Variants in AHCTF1 observed in about 807,000 individuals in gnomAD.
AHCTF1 encodes protein ELYS.
Under a neutral mutation model 248.4 loss-of-function variants are expected in AHCTF1, and 24 were observed. The ratio of observed to expected loss-of-function variants is 0.10; its 90% CI spans 0.07 to 0.14. The LOEUF (loss-of-function observed/expected upper bound fraction) is 0.14. Ranked by LOEUF, AHCTF1 falls within the 10% of genes least tolerant of loss-of-function variation. The pLI is 1.00. For missense variants in AHCTF1, 2,206 were observed against 2,636.2 expected, an observed-to-expected ratio of 0.84 and a Z score of 3.57; for synonymous variants, 786 against 929.8, an observed-to-expected ratio of 0.85 and a Z score of 2.81.
chr1:246,916,801 C>T (rs1666183226), intron 2 of AHCTF1, among the ~76,000 whole-genome samples: 1 of 152,120 alleles, frequency 6.6e-6, no homozygotes, highest in Non-Finnish European at 1.5e-5. Context: ...CAAAAAGTAG[C>T]ACAGGCAGAA....
chr1:246,868,878 T>C (rs570800761), intron 24 of AHCTF1, among the ~76,000 whole-genome samples: 7 of 147,938 alleles, frequency 4.7e-5, no homozygotes, highest in Non-Finnish European at 1.0e-4. Flanking sequence ...GGAGTCTCGC[T>C]CTGTCACCCA....
Position 246,850,668 on chromosome 1 carries a change from T to C in AHCTF1, c.5338A>G (p.Lys1780Glu), listed in dbSNP as rs1660638718. ...QSVRKKTRKA[K>E]EISEASENIY... ...TTTTCAGAAGCTTCAGAAATTTCTT[T>C]TGCCTTCCTAGTTTTCTTCCTGACT... Residue 1780 changes from lysine (K) to glutamate (E), a missense_variant, in exon 33 of 36, where the codon AAA becomes GAA. Lys to Glu is a moderately conservative substitution (Grantham distance 56, BLOSUM62 1). Transcript: ENST00000648844. The C allele has an allele frequency of 6.2e-6, 10 of 1,613,882 alleles. No homozygotes were observed. The highest frequency in any genetic ancestry group is 1.1e-5 in the South Asian group (1 of 91,082).
chr1:246,879,830 C>T (rs1431813126), intron 21 of AHCTF1, among the ~76,000 whole-genome samples: 1 of 142,828 alleles, frequency 7.0e-6, no homozygotes, highest in East Asian at 2.1e-4. Context: ...TCTGTTCCCC[C>T]AACCCCGCCA....
intron 5 of AHCTF1, among the ~76,000 whole-genome samples, chr1:246,906,648 A>G (rs557812241): frequency 7.9e-5 from 12 of 152,170 alleles, no homozygotes; most frequent in Non-Finnish European, 4.4e-5. Context: ...TACACTTCCT[A>G]TAAGATAAAT....
chr1:246,874,899 C>CAA (rs1211588385), intron 24 of AHCTF1, among the ~76,000 whole-genome samples: 1 of 152,162 alleles, frequency 6.6e-6, no homozygotes, highest in East Asian at 1.9e-4. Flanking sequence ...TGTAAACAGA[C>CAA]AGAGTCTCCC....
chr1:246,918,307 C>T lies in AHCTF1; in HGVS notation c.64G>A (p.Ala22Thr), dbSNP rs767969005. Reference sequence around the variant, plus strand: ...AATGTTATTTCGTCTTCTCCAAGGGCTTGAAGAGTCACTTCTGGAAATGGC... The same window carrying T: ...AATGTTATTTCGTCTTCTCCAAGGGTTTGAAGAGTCACTTCTGGAAATGGC... ...LLPFPEVTLQ[A>T]LGEDEITLES... Residue 22 changes from alanine (A) to threonine (T), a missense_variant, in exon 2 of 36, where the codon GCC becomes ACC. By Grantham distance (58) the Ala-to-Thr change is moderately conservative (BLOSUM62 0). Transcript: ENST00000648844. The T allele has an allele frequency of 1.1e-5, 18 of 1,613,072 alleles. No individual in the cohort carries two copies. The highest frequency in any genetic ancestry group is 1.4e-5 in the Non-Finnish European group (16 of 1,179,874).
chr1:246,931,219 G>C (rs777379821), intron 1 of AHCTF1: 318 of 1,550,124 alleles, frequency 2.1e-4, no homozygotes, highest in Non-Finnish European at 2.5e-4. Context: ...GCCCGCCAAC[G>C]AGTCCATCGC....
At chr1:246,925,686 C>G (rs1014840759) in intron 1 of AHCTF1, among the ~76,000 whole-genome samples, 3 of 152,114 alleles carry the variant, frequency 2.0e-5, no homozygotes, top group Admixed American at 1.3e-4. Flanking sequence ...ATGTGATCCC[C>G]AGTGTTGGAG....
Position 246,900,188 on chromosome 1 carries a change from C to A in AHCTF1, c.1309G>T (p.Val437Leu), listed in dbSNP as rs757173810. ...YFALWSLESV[V>L]SRTSPHGILD... ...ATGCCATGTGGAGAAGTCCTACTTA[C>A]AACAGACTCCAATGACCACAGTGCA... The change falls in exon 10 of 36, where the codon GTA (valine) becomes TTA (leucine). Residue 437 changes from valine to leucine, a missense_variant. Physicochemically the swap from Val to Leu is conservative, Grantham distance 32. This residue lies in a region of AHCTF1 where 650 missense variants were observed against 870.8 expected (regional missense o/e 0.75). Coordinates refer to ENST00000648844, the MANE Select transcript of AHCTF1 (RefSeq NM_001323342.2). The A allele has an allele frequency of 3.1e-6, 5 of 1,607,408 alleles. No individual in the cohort carries two copies. The highest frequency in any genetic ancestry group is 2.2e-5 in the East Asian group (1 of 44,766).
At chr1:246,858,604 C>A (rs923952433) in intron 29 of AHCTF1, among the ~76,000 whole-genome samples, 1 of 151,460 alleles carries the variant, frequency 6.6e-6, no homozygotes, top group African/African-American at 2.4e-5. Flanking sequence ...CTGAGGCAGG[C>A]AGATCACGAG....
chr1:246,865,137 A>C (rs1170266459), intron 26 of AHCTF1: 2 of 152,222 alleles, frequency 1.3e-5, no homozygotes, highest in African/African-American at 4.8e-5. Context: ...TTTTTGGTGG[A>C]CCATTTGCAC....
intron 21 of AHCTF1, among the ~76,000 whole-genome samples, chr1:246,880,877 T>C (rs1231304761): frequency 6.6e-6 from 1 of 152,064 alleles, no homozygotes; most frequent in Non-Finnish European, 1.5e-5. Flanking sequence ...GGAAGAACAA[T>C]AAGAAAATTA....
In AHCTF1 at chr1:246,853,166, T is replaced by A; in HGVS notation, c.4488A>T (p.Val1496=). The part of the protein sequence containing the change: ...LKEDHEVEVG[V]LKESVDLPEE... ...CTGGTAAGTCAACACTTTCTTTTAGTACACCAACTTCTACTTCATGATCTT... is the reference window on the plus strand; with the variant it reads ...CTGGTAAGTCAACACTTTCTTTTAGAACACCAACTTCTACTTCATGATCTT... Residue 1496 remains valine, a synonymous_variant, in exon 32 of 36, where the codon GTA becomes GTT. Transcript: ENST00000648844. The A allele has an allele frequency of 6.2e-7, 1 of 1,612,990 alleles. No homozygotes were observed. The highest frequency in any genetic ancestry group is 1.1e-5 in the South Asian group (1 of 90,838).
rs1659824056 is a variant in AHCTF1 at position 246,840,989 on chromosome 1, T to C, written c.6618A>G (p.Glu2206=). 4 of 1,598,590 alleles carry C rather than the reference T, an allele frequency of 2.5e-6. No homozygotes were observed. Among genetic ancestry groups the C allele is most frequent in the Admixed American group, 3.6e-5 (2 of 55,122 alleles). The change falls in exon 36 of 36, where the codon GAA becomes GAG. Residue 2206 remains glutamate, a synonymous_variant. Coordinates refer to ENST00000648844, the MANE Select transcript of AHCTF1 (RefSeq NM_001323342.2). Reference sequence around the variant, plus strand: ...GAGGAGGTGACCAAGCACTTTCTTTTTCTGTGTTTCTGAAAAAAAAAGATA... The same window carrying C: ...GAGGAGGTGACCAAGCACTTTCTTTCTCTGTGTTTCTGAAAAAAAAAGATA... The part of the protein sequence containing the change: ...SKTKQASKNT[E]KESAWSPPPI...
Position 246,867,900 on chromosome 1 carries a change from CCCACA to C in AHCTF1, c.3089-94_3089-90del, listed in dbSNP as rs1302015063. 330 of 532,374 alleles carry C rather than the reference CCCACA, an allele frequency of 6.2e-4. 2 individuals are homozygous for C. The highest frequency in any genetic ancestry group is 4.1e-3 in the South Asian group (164 of 39,696). The allele number at this position is 532,374 out of a possible 1,614,324, so 33.0% of individuals were successfully genotyped here. A position where few individuals can be genotyped will look rare whatever the true frequency, so the allele number is the denominator to read the frequency against. On this transcript the variant is annotated intron_variant, in intron 24 of 35. Transcript: ENST00000648844. ...ATGAAAGAATGATTACACCCCCCCC[CCCACA>C]CACACACACACACACATTACGTGGT...
intron 24 of AHCTF1, among the ~76,000 whole-genome samples, chr1:246,871,107 A>T (rs1662563714): frequency 6.6e-6 from 1 of 152,188 alleles, no homozygotes; most frequent in Admixed American, 6.5e-5. Context: ...AAATGCTAGG[A>T]CCACTAAAAA....
chr1:246,875,208 C>T (rs1157831210), intron 24 of AHCTF1, among the ~76,000 whole-genome samples: 3 of 152,098 alleles, frequency 2.0e-5, no homozygotes, highest in Non-Finnish European at 4.4e-5. Flanking sequence ...CAACCTCTCC[C>T]CTCTCCATAA....
At chr1:246,875,057 C>T (rs1662844104) in intron 24 of AHCTF1, among the ~76,000 whole-genome samples, 1 of 152,182 alleles carries the variant, frequency 6.6e-6, no homozygotes, top group African/African-American at 2.4e-5. Context: ...TATAGATAAA[C>T]CAGAATGAAC....
At chr1:246,875,191 A>G (rs1662852052) in intron 24 of AHCTF1, among the ~76,000 whole-genome samples, 1 of 151,926 alleles carries the variant, frequency 6.6e-6, no homozygotes, top group Non-Finnish European at 1.5e-5. Flanking sequence ...CCTTACATAC[A>G]ATGACACAAC....
Sources: allele counts gnomAD v4.1 joint callset (sites outside exome capture counted in the v4.1 genomes callset), GRCh38; gene constraint gnomAD v4.1.1; regional missense constraint gnomAD v4.1.1; transcripts MANE v1.5; gene names NCBI Gene and HGNC (gene_info 2026-07-23, HGNC 2026-07-21).